EHBP1: variants seen among roughly 807,000 people sequenced by gnomAD.
EHBP1 encodes the protein EH domain-binding protein 1.
A neutral mutation model predicts 144.0 loss-of-function variants in EHBP1; 55 were observed. The ratio of observed to expected loss-of-function variants is 0.38; its 90% confidence interval spans 0.31 to 0.48. The LOEUF is 0.48. Ranked by LOEUF, EHBP1 falls within the 20% of genes least tolerant of loss-of-function variation. The pLI, the probability that EHBP1 is intolerant of heterozygous loss-of-function variation, is 0.98. For synonymous variants in EHBP1, 469 were observed against 472.7 expected, an observed-to-expected ratio of 0.99 and a Z score of 0.10; for missense variants, 1,200 against 1,364.2, an observed-to-expected ratio of 0.88 and a Z score of 1.90.
In EHBP1 at chr2:63,034,881, G is replaced by A. The variant is rs571274953; in HGVS notation, c.3104-2654G>A. 1.1e-3 allele frequency among the ~76,000 whole-genome samples: 169 copies of A among 152,070 alleles called. 1 individual carries two copies. Among genetic ancestry groups the A allele is most frequent in the Middle Eastern group, 6.8e-3 (2 of 294 alleles). Reference sequence around the variant, plus strand: ...AAAATGAAACATCCAGCATTCATTTGAAAAATATATTGTACTTTGAAAAGT... The same window carrying A: ...AAAATGAAACATCCAGCATTCATTTAAAAAATATATTGTACTTTGAAAAGT... On this transcript the variant is annotated intron_variant, in intron 19 of 22. Coordinates refer to ENST00000431489, the MANE Select transcript of EHBP1 (RefSeq NM_001142616.3).
chr2:62,973,394 G>T (rs1319191873), intron 14 of EHBP1, among the ~76,000 whole-genome samples: 3 of 152,108 alleles, frequency 2.0e-5, no homozygotes, highest in Non-Finnish European at 4.4e-5. Context: ...TTTAGTAAAA[G>T]TTCCATTTTC....
chr2:62,949,257 G>A (rs552752584), intron 13 of EHBP1, 95 bp downstream of exon 13: 1 of 1,117,134 alleles, frequency 9.0e-7, no homozygotes, highest in South Asian at 1.8e-5. Context: ...AATGATTAAA[G>A]GTGAAGTGTA....
At chr2:62,938,409 T>C (rs1375780087) in intron 10 of EHBP1, among the ~76,000 whole-genome samples, 1 of 152,116 alleles carries the variant, frequency 6.6e-6, no homozygotes, top group East Asian at 1.9e-4. Flanking sequence ...AAGGAAACTA[T>C]AGTTAGAGGG....
At chr2:62,761,432 G>A (rs2040759892) in intron 3 of EHBP1, among the ~76,000 whole-genome samples, 1 of 152,138 alleles carries the variant, frequency 6.6e-6, no homozygotes. Context: ...GGTGTACACT[G>A]TTAAACCTGT....
intron 10 of EHBP1, among the ~76,000 whole-genome samples, chr2:62,927,904 C>G (rs893862460): frequency 6.6e-6 from 1 of 152,042 alleles, no homozygotes; most frequent in African/African-American, 2.4e-5. Flanking sequence ...AGTATCTTTT[C>G]TGATAACAAC....
chr2:62,743,531 T>C (rs2152119485), intron 2 of EHBP1, among the ~76,000 whole-genome samples: 1 of 152,216 alleles, frequency 6.6e-6, no homozygotes, highest in East Asian at 1.9e-4. Context: ...GTCAGGAACA[T>C]AGTAGGCATT....
chr2:62,773,519 G>A (rs2041823975), intron 5 of EHBP1, among the ~76,000 whole-genome samples: 1 of 151,964 alleles, frequency 6.6e-6, no homozygotes, highest in South Asian at 2.1e-4. Context: ...GTGAGTGAAT[G>A]AATGGTATAG....
chr2:62,827,912 G>A (rs897100901), intron 6 of EHBP1, among the ~76,000 whole-genome samples: 15 of 151,972 alleles, frequency 9.9e-5, no homozygotes, highest in African/African-American at 1.5e-4. Flanking sequence ...CAAGTGATCC[G>A]CCCACCTCGG....
intron 15 of EHBP1, 97 bp from the exon 16 acceptor site, chr2:62,990,619 A>G: frequency 7.8e-7 from 1 of 1,286,638 alleles, no homozygotes; most frequent in Non-Finnish European, 1.1e-6. Context: ...CTTTCTTTTA[A>G]AATATAGTAA....
At position 62,968,398 on chromosome 2, in the gene EHBP1, C is replaced by T. The variant is rs367928451; in HGVS notation, c.2461-10790C>T. ...GTCATTTCAGTACCTGAACAGGAAACGAAGTAAGAAGTTACATAAGCACAT... is the reference window on the plus strand; with the variant it reads ...GTCATTTCAGTACCTGAACAGGAAATGAAGTAAGAAGTTACATAAGCACAT... On this transcript the variant is annotated intron_variant, in intron 14 of 22. Coordinates refer to ENST00000431489, the MANE Select transcript of EHBP1 (RefSeq NM_001142616.3). Among the ~76,000 whole-genome samples, 21 of 151,948 alleles carry T rather than the reference C, an allele frequency of 1.4e-4. No individual in the cohort carries two copies. In the East Asian group the frequency reaches 1.9e-3, roughly 14 times the overall value.
At chr2:62,799,734 A>G (rs2043834897) in intron 5 of EHBP1, among the ~76,000 whole-genome samples, 1 of 152,178 alleles carries the variant, frequency 6.6e-6, no homozygotes, top group African/African-American at 2.4e-5. Context: ...GGGGAAAACA[A>G]CTCTTTAAAA....
chr2:62,992,473 G>A (rs753889441), intron 16 of EHBP1, among the ~76,000 whole-genome samples: 115 of 152,158 alleles, frequency 7.6e-4, no homozygotes, highest in Middle Eastern at 3.4e-3. Context: ...TCCAACAAAA[G>A]GTGTGCTTTA....
intron 5 of EHBP1, among the ~76,000 whole-genome samples, chr2:62,805,756 G>A (rs970385510): frequency 6.6e-6 from 1 of 152,080 alleles, no homozygotes; most frequent in African/African-American, 2.4e-5. Context: ...ACCTCAAACA[G>A]TCTGCCTGCC....
chr2:62,923,684 G>A (rs1291636747), intron 10 of EHBP1, among the ~76,000 whole-genome samples: 1 of 152,162 alleles, frequency 6.6e-6, no homozygotes, highest in Non-Finnish European at 1.5e-5. Context: ...AATCTTAGGA[G>A]CATAAGGTGT....
At chr2:62,732,304 C>A (rs2037681591) in intron 2 of EHBP1, among the ~76,000 whole-genome samples, 1 of 152,152 alleles carries the variant, frequency 6.6e-6, no homozygotes, top group African/African-American at 2.4e-5. Flanking sequence ...CACTGTTGCA[C>A]TGTTGCTTCA....
intron 19 of EHBP1, among the ~76,000 whole-genome samples, chr2:63,022,909 C>T (rs1365679678): frequency 6.6e-6 from 1 of 152,076 alleles, no homozygotes; most frequent in Non-Finnish European, 1.5e-5. Flanking sequence ...CACAGTGGCT[C>T]ACGCCTGTAA....
intron 19 of EHBP1, among the ~76,000 whole-genome samples, chr2:63,021,723 G>A (rs1275436967): frequency 4.6e-5 from 7 of 152,084 alleles, no homozygotes; most frequent in Admixed American, 4.6e-4. Context: ...TTATAGAAGG[G>A]TGCAAGCTCT....
chr2:62,984,537 A>G (rs2059109540), intron 15 of EHBP1, among the ~76,000 whole-genome samples: 1 of 152,232 alleles, frequency 6.6e-6, no homozygotes, highest in African/African-American at 2.4e-5. Flanking sequence ...TTTATGTAGT[A>G]TCTTTAAACA....
chr2:62,737,063 T>C (rs974445502), intron 2 of EHBP1, among the ~76,000 whole-genome samples: 2 of 152,264 alleles, frequency 1.3e-5, no homozygotes, highest in East Asian at 1.9e-4. Context: ...ACTGTAGAAG[T>C]GCTTTGTTTA....
Sources: allele counts gnomAD v4.1 joint callset (sites outside exome capture counted in the v4.1 genomes callset), GRCh38; gene constraint gnomAD v4.1.1; transcripts MANE v1.5; gene names NCBI Gene and HGNC (gene_info 2026-07-23, HGNC 2026-07-21).